The following RAI2 variants were observed in gnomAD, a reference collection of about 807,000 sequenced individuals.
RAI2 encodes the protein retinoic acid induced 2, also known as retinoic acid-induced protein 2.
RAI2 carries 5 observed loss-of-function variants against 15.3 expected under a neutral mutation model. The ratio of observed to expected loss-of-function variants is 0.33; its 90% confidence interval spans 0.17 to 0.69. The LOEUF is 0.69. Among genes scored for constraint, RAI2 ranks in the 30% least tolerant of loss-of-function variants. The probability of loss-of-function intolerance (pLI) is 0.69; values close to 1 mark genes in which losing one functional copy is unlikely to be tolerated. For synonymous variants in RAI2, 191 were observed against 184.0 expected, an observed-to-expected ratio of 1.04 and a Z score of -0.31; for missense variants, 424 against 424.7, an observed-to-expected ratio of 1.00 and a Z score of 0.01.
chrX:17,861,080 G>C lies in RAI2; in HGVS notation c.-25+18C>G, dbSNP rs1434028965. On this transcript the variant is annotated intron_variant, in intron 1 of 1. Coordinates refer to ENST00000451717, the MANE Select transcript of RAI2 (RefSeq NM_021785.6). Reference sequence around the variant, plus strand: ...GCGGGGGTGACCCCGGCCCGCACGGGGGCGCCGCGGCCACTACCTCGCAAT... The same window carrying C: ...GCGGGGGTGACCCCGGCCCGCACGGCGGCGCCGCGGCCACTACCTCGCAAT... 9.4e-6 allele frequency: 1 copy of C among 106,706 alleles called. No individual in the cohort carries two copies. The highest frequency in any genetic ancestry group is 2.0e-5 in the Non-Finnish European group (1 of 51,051). The allele number at this position is 106,706 out of a possible 1,213,427, so 8.8% of individuals were successfully genotyped here. A position where few individuals can be genotyped will look rare whatever the true frequency, so the allele number is the denominator to read the frequency against.
chrX:17,835,479 T>C (rs1026526481), intron 1 of RAI2, among the ~76,000 whole-genome samples: 4 of 112,074 alleles, frequency 3.6e-5, no homozygotes, highest in African/African-American at 1.3e-4. Context: ...TGCCTTCATA[T>C]TCCCTGCTCC....
Position 17,852,318 on chromosome X carries a change from C to T in RAI2, c.-25+8780G>A, listed in dbSNP as rs546236984. Among the ~76,000 whole-genome samples the T allele has an allele frequency of 7.1e-4, 80 of 111,929 alleles. 1 individual carries two copies. In the South Asian group the frequency reaches 0.029, roughly 41 times the overall value. ...CCAAATCCCTCAATGCTCACCTTTC[C>T]ATTTTTCCTCACTGGCTAGTATGCA... On this transcript the variant is annotated intron_variant, in intron 1 of 1. Transcript: ENST00000451717.
Position 17,801,725 on chromosome X carries a change from C to T in RAI2, c.286G>A (p.Val96Met). 8.3e-7 allele frequency: 1 copy of T among 1,212,000 alleles called. No homozygotes were observed. The highest frequency in any genetic ancestry group is 1.1e-6 in the Non-Finnish European group (1 of 895,579). ...SPVVMPIHMQ[V>M]EGSSAPELNP... The stretch of plus-strand genomic sequence containing the variant: ...AGCTCTGGTGCGGAGCTTCCCTCCA[C>T]CTGCATGTGAATGGGCATCACCACT... Residue 96 changes from valine to methionine, a missense_variant, in exon 2 of 2, where the codon GTG (valine) becomes ATG (methionine). By Grantham distance (21) the Val-to-Met change is conservative (BLOSUM62 1). Transcript: ENST00000451717.
chrX:17,859,794 G>A (rs2067664368), intron 1 of RAI2, among the ~76,000 whole-genome samples: 1 of 111,629 alleles, frequency 9.0e-6, no homozygotes, highest in African/African-American at 3.3e-5. Context: ...CAACAGTTCC[G>A]GGAACACGGT....
chrX:17,830,946 T>A (rs964392090), intron 1 of RAI2, among the ~76,000 whole-genome samples: 6 of 112,263 alleles, frequency 5.3e-5, no homozygotes, highest in African/African-American at 1.9e-4. Context: ...ATTGACCCAA[T>A]GTATCTGTGC....
At chrX:17,833,279 T>A (rs974714276) in intron 1 of RAI2, among the ~76,000 whole-genome samples, 2 of 111,582 alleles carry the variant, frequency 1.8e-5, no homozygotes, top group African/African-American at 6.5e-5. Context: ...CTCAGCACTA[T>A]GGGAGGCTGA....
chrX:17,819,868 G>C (rs2067146388), intron 1 of RAI2, among the ~76,000 whole-genome samples: 2 of 112,551 alleles, frequency 1.8e-5, no homozygotes, highest in Middle Eastern at 4.6e-3. Context: ...TTTCTGGGGT[G>C]ACAAGACTGT....
At chrX:17,805,231 A>C (rs926446660) in intron 1 of RAI2, among the ~76,000 whole-genome samples, 1 of 113,018 alleles carries the variant, frequency 8.8e-6, no homozygotes, top group Non-Finnish European at 1.9e-5. Context: ...CCTCTCCTTC[A>C]ACACCGAGTG....
chrX:17,830,341 C>T (rs2067268682), intron 1 of RAI2, among the ~76,000 whole-genome samples: 1 of 112,387 alleles, frequency 8.9e-6, no homozygotes, highest in South Asian at 3.7e-4. Context: ...CATTCCATAG[C>T]ATTCACATCT....
intron 1 of RAI2, among the ~76,000 whole-genome samples, chrX:17,856,130 T>C (rs962945593): frequency 7.1e-5 from 8 of 112,189 alleles, no homozygotes; most frequent in African/African-American, 2.6e-4. Flanking sequence ...TCTCTAGAAT[T>C]ACTGAGTTGT....
chrX:17,829,654 T>C (rs937297207), intron 1 of RAI2, among the ~76,000 whole-genome samples: 1 of 112,622 alleles, frequency 8.9e-6, no homozygotes, highest in Non-Finnish European at 1.9e-5. Context: ...TGCTTTTACA[T>C]CTAAGAGAAC....
chrX:17,855,782 T>C, intron 1 of RAI2, among the ~76,000 whole-genome samples: 1 of 112,608 alleles, frequency 8.9e-6, no homozygotes, highest in Non-Finnish European at 1.9e-5. Flanking sequence ...AAGAAGCCAC[T>C]AATTTTAATA....
At chrX:17,831,265 A>G (rs2067279514) in intron 1 of RAI2, among the ~76,000 whole-genome samples, 2 of 112,111 alleles carry the variant, frequency 1.8e-5, no homozygotes, top group Admixed American at 9.4e-5. Context: ...TATTTTTAAT[A>G]TATAATATGG....
intron 1 of RAI2, among the ~76,000 whole-genome samples, chrX:17,845,815 G>A (rs1358563836): frequency 1.8e-5 from 2 of 112,066 alleles, no homozygotes; most frequent in Non-Finnish European, 3.8e-5. Context: ...TTTTAAGGAC[G>A]TAGGAATGCA....
intron 1 of RAI2, among the ~76,000 whole-genome samples, chrX:17,813,655 C>A (rs1205012628): frequency 4.5e-5 from 5 of 111,569 alleles, no homozygotes; most frequent in Admixed American, 3.8e-4. Flanking sequence ...TTATTCATTC[C>A]TTTACAGACA....
At chrX:17,814,907 T>G (rs1252398692) in intron 1 of RAI2, among the ~76,000 whole-genome samples, 1 of 108,996 alleles carries the variant, frequency 9.2e-6, no homozygotes, top group East Asian at 2.9e-4. Context: ...AAATAAACAC[T>G]ACTTCACTTC....
chrX:17,842,427 C>G (rs1703995409), intron 1 of RAI2, among the ~76,000 whole-genome samples: 1 of 111,143 alleles, frequency 9.0e-6, no homozygotes, highest in African/African-American at 3.3e-5. Flanking sequence ...CTGCTAGGTT[C>G]CACATGCTTG....
rs750586048 is a variant in RAI2, at chrX:17,800,816, C to G, written c.1195G>C (p.Asp399His). 8 of 1,211,775 alleles carry G rather than the reference C, an allele frequency of 6.6e-6. No individual in the cohort carries two copies. In the Admixed American group the frequency reaches 8.7e-5, roughly 13 times the overall value. ...GCATCACTGCTGCTGATGTGACTAT[C>G]CATCATGGCTGGGGCCTCATGGGAC... ...ATSHEAPAMM[D>H]SHISSSDAAT... The change falls in exon 2 of 2, where the codon GAT (aspartate) becomes CAT (histidine). Residue 399 changes from aspartate (D) to histidine (H), a missense_variant. Transcript: ENST00000451717.
chrX:17,804,841 G>A (rs759323524), intron 1 of RAI2, among the ~76,000 whole-genome samples: 42 of 112,588 alleles, frequency 3.7e-4, no homozygotes, highest in Non-Finnish European at 6.4e-4. Context: ...ATCATTTCCT[G>A]TGAAACCTCA....
Sources: allele counts gnomAD v4.1 joint callset (sites outside exome capture counted in the v4.1 genomes callset), GRCh38; gene constraint gnomAD v4.1.1; transcripts MANE v1.5; gene names NCBI Gene and HGNC (gene_info 2026-07-23, HGNC 2026-07-21).